MTA3: variants seen among roughly 807,000 people sequenced by gnomAD.
The protein encoded by MTA3 is metastasis associated 1 family member 3.
In MTA3, 34 loss-of-function variants were observed where a neutral mutation model predicts 83.5. The ratio of observed to expected loss-of-function variants is 0.41; its 90% CI spans 0.31 to 0.54. The LOEUF is 0.54. Among genes scored for constraint, MTA3 ranks in the 20% least tolerant of loss-of-function variants. MTA3 has a pLI of 0.33. For synonymous variants in MTA3, 303 were observed against 252.7 expected, an observed-to-expected ratio of 1.20 and a Z score of -1.89; for missense variants, 761 against 726.4, an observed-to-expected ratio of 1.05 and a Z score of -0.55.
intron 2 of MTA3, among the ~76,000 whole-genome samples, chr2:42,574,313 G>A (rs1222965034): frequency 1.3e-5 from 2 of 150,780 alleles, no homozygotes; most frequent in African/African-American, 2.4e-5. Context: ...TTTTAGCAGA[G>A]ATGGGGTTTC....
At chr2:42,688,364 G>A (rs1310545430) in intron 9 of MTA3, among the ~76,000 whole-genome samples, 2 of 152,188 alleles carry the variant, frequency 1.3e-5, no homozygotes, top group Non-Finnish European at 2.9e-5. Flanking sequence ...GATTATAGGC[G>A]TGAGCCACTG....
Position 42,756,359 on chromosome 2 carries a change from A to C in MTA3, c.*2960A>C. The stretch of plus-strand genomic sequence containing the variant: ...GCCTCCAGAGTCCTGCAGGTGCCTC[A>C]CAGTAGTGAAACCCAGTTGGAAGCA... On this transcript the variant is annotated 3_prime_UTR_variant, in exon 17 of 17. Coordinates refer to ENST00000405094, the MANE Select transcript of MTA3 (RefSeq NM_001330442.2). The C allele has an allele frequency of 1.5e-6, 1 of 666,610 alleles. No homozygotes were observed. The highest frequency in any genetic ancestry group is 1.9e-6 in the Non-Finnish European group (1 of 538,484). 41.3% of individuals were successfully genotyped at this position (666,610 alleles called of 1,614,324 possible). A position where few individuals can be genotyped will look rare whatever the true frequency, so the allele number is the denominator to read the frequency against.
chr2:42,663,761 A>G (rs1689956072), intron 8 of MTA3, among the ~76,000 whole-genome samples: 2 of 152,206 alleles, frequency 1.3e-5, no homozygotes, highest in Non-Finnish European at 2.9e-5. Flanking sequence ...TTTCATAAAT[A>G]ATCATTTTCT....
Position 42,690,893 on chromosome 2 carries a change from T to C in MTA3, c.892-4872T>C, listed in dbSNP as rs182929751. Among the ~76,000 whole-genome samples the C allele has an allele frequency of 6.5e-5, 9 of 138,998 alleles. No homozygotes were observed. The East Asian group carries it at 1.2e-3, about 19-fold the overall frequency. The allele number at this position is 138,998 out of a possible 152,430, so 91.2% of individuals were successfully genotyped here. A position where few individuals can be genotyped will look rare whatever the true frequency, so the allele number is the denominator to read the frequency against. ...ATTTATTTATTTATTTATTTATTTA[T>C]TGAGACAAAGTCTCACTCTGTTGCC... On this transcript the variant is annotated intron_variant, in intron 9 of 16. Transcript: ENST00000405094.
chr2:42,543,593 C>T (rs572013796), intron 2 of MTA3, among the ~76,000 whole-genome samples: 5 of 151,884 alleles, frequency 3.3e-5, no homozygotes, highest in Non-Finnish European at 7.4e-5. Context: ...TCAAGCAATC[C>T]TCCCACCTCA....
At chr2:42,527,599 T>C (rs1675774800) in intron 2 of MTA3, among the ~76,000 whole-genome samples, 1 of 152,160 alleles carries the variant, frequency 6.6e-6, no homozygotes, top group South Asian at 2.1e-4. Context: ...ATCTACATTA[T>C]CTACAGAATA....
chr2:42,608,794 G>T (rs567859809), intron 3 of MTA3, among the ~76,000 whole-genome samples: 1 of 152,126 alleles, frequency 6.6e-6, no homozygotes. Context: ...TAAGGCACAA[G>T]AATTGCTTGA....
rs767598363 is a variant in MTA3 at position 42,514,682 on chromosome 2, CTTTTTT to C, written c.-141+19448_-141+19453del. Among the ~76,000 whole-genome samples, 82 of 53,488 alleles carry C rather than the reference CTTTTTT, an allele frequency of 1.5e-3. 1 individual carries two copies. Among genetic ancestry groups the C allele is most frequent in the African/African-American group, 6.3e-3 (74 of 11,836 alleles). 35.1% of individuals were successfully genotyped at this position (53,488 alleles called of 152,430 possible). On this transcript the variant is annotated intron_variant, in intron 2 of 17. Transcript: ENST00000405592. ...GATTACAGGCATGAGCGCCCAGCCC[CTTTTTT>C]TTTTTTTTTTTTTTTTTTTGAGACA...
chr2:42,707,714 G>C (rs1388304824), intron 12 of MTA3, among the ~76,000 whole-genome samples, 189 bp from the exon 13 acceptor site: 2 of 152,034 alleles, frequency 1.3e-5, no homozygotes, highest in Non-Finnish European at 2.9e-5. Context: ...TATAATAATG[G>C]AAATAAGTTG....
Position 42,755,429 on chromosome 2 carries a change from C to G in MTA3, c.*2030C>G. Reference sequence around the variant, plus strand: ...GGTCTGAAGCAGGAGAAGGGAGGCCCCTCCTATCTACCCAGTTGACATTTG... The same window carrying G: ...GGTCTGAAGCAGGAGAAGGGAGGCCGCTCCTATCTACCCAGTTGACATTTG... On this transcript the variant is annotated 3_prime_UTR_variant, in exon 17 of 17. Coordinates refer to ENST00000405094, the MANE Select transcript of MTA3 (RefSeq NM_001330442.2). 1 of 985,450 alleles carries G rather than the reference C, an allele frequency of 1.0e-6. No homozygotes were observed. The highest frequency in any genetic ancestry group is 1.2e-6 in the Non-Finnish European group (1 of 829,948). The allele number at this position is 985,450 out of a possible 1,614,324, so 61.0% of individuals were successfully genotyped here.
chr2:42,537,824 T>C (rs140182391), intron 2 of MTA3, among the ~76,000 whole-genome samples: 3 of 152,308 alleles, frequency 2.0e-5, no homozygotes, highest in African/African-American at 4.8e-5. Flanking sequence ...TCATTCTTTT[T>C]AGAGTTTGTA....
rs61339061 is a variant in MTA3, at chr2:42,748,201, TTGTGTG to T, written c.1760-5137_1760-5132del. Among the ~76,000 whole-genome samples the T allele has an allele frequency of 2.8e-3, 386 of 137,714 alleles. 1 individual carries two copies. The highest frequency in any genetic ancestry group is 9.3e-3 in the African/African-American group (346 of 37,020). 90.3% of individuals were successfully genotyped at this position (137,714 alleles called of 152,430 possible). The stretch of plus-strand genomic sequence containing the variant: ...GTGCCATCACATCCAGCTAATGTGT[TTGTGTG>T]TGTGTGTGTGTGTGTGTGTGTGTGT... On this transcript the variant is annotated intron_variant, in intron 16 of 16. Coordinates refer to ENST00000405094, the MANE Select transcript of MTA3 (RefSeq NM_001330442.2).
At chr2:42,601,633 C>A (rs1682587376) in intron 3 of MTA3, among the ~76,000 whole-genome samples, 1 of 152,218 alleles carries the variant, frequency 6.6e-6, no homozygotes, top group African/African-American at 2.4e-5. Flanking sequence ...AGGGATTCTC[C>A]CACCTCGGCC....
intron 16 of MTA3, among the ~76,000 whole-genome samples, chr2:42,724,636 T>TCACA (rs10560395): frequency 5.6e-5 from 8 of 141,840 alleles, no homozygotes; most frequent in African/African-American, 1.5e-4. Context: ...AGAGACCCCA[T>TCACA]CACACACACA....
At chr2:42,738,024 G>A (rs1179853562) in intron 16 of MTA3, among the ~76,000 whole-genome samples, 2 of 152,188 alleles carry the variant, frequency 1.3e-5, no homozygotes, top group South Asian at 2.1e-4. Flanking sequence ...CACTTTGGGA[G>A]GCCAAGGCAG....
At chr2:42,643,851 A>G (rs898884372) in intron 5 of MTA3, among the ~76,000 whole-genome samples, 1 of 152,186 alleles carries the variant, frequency 6.6e-6, no homozygotes, top group Admixed American at 6.6e-5. Flanking sequence ...ACTCTGCTTT[A>G]GAGAGCAAAT....
At chr2:42,501,011 C>T (rs1558399452) in intron 2 of MTA3, among the ~76,000 whole-genome samples, 1 of 152,120 alleles carries the variant, frequency 6.6e-6, no homozygotes, top group East Asian at 1.9e-4. Context: ...GGGGTTTCAC[C>T]GTGTTAGCCA....
chr2:42,512,115 G>GT (rs1473684913), intron 2 of MTA3, among the ~76,000 whole-genome samples: 1 of 150,996 alleles, frequency 6.6e-6, no homozygotes. Context: ...GACTGGGAGG[G>GT]TTTTTTTCTT....
chr2:42,705,233 C>G (rs1665972602), intron 12 of MTA3, among the ~76,000 whole-genome samples: 2 of 152,064 alleles, frequency 1.3e-5, no homozygotes, highest in African/African-American at 4.8e-5. Flanking sequence ...TTTTTTGCAG[C>G]ATGGGAGCAC....
Sources: allele counts gnomAD v4.1 joint callset (sites outside exome capture counted in the v4.1 genomes callset), GRCh38; gene constraint gnomAD v4.1.1; transcripts MANE v1.5; gene names NCBI Gene and HGNC (gene_info 2026-07-23, HGNC 2026-07-21).